Variants in SCD5 observed in about 807,000 individuals in gnomAD.
The protein encoded by SCD5 is acyl-CoA-desaturase 4.
SCD5 carries 20 observed loss-of-function variants against 30.4 expected under a neutral mutation model. The ratio of observed to expected loss-of-function variants is 0.66; its 90% confidence interval spans 0.46 to 0.96. SCD5 has a LOEUF of 0.96. Ranked by LOEUF, SCD5 falls within the 40% of genes least tolerant of loss-of-function variation. SCD5 has a pLI of 0.00. For missense variants in SCD5, 381 were observed against 443.3 expected, an observed-to-expected ratio of 0.86 and a Z score of 1.26; for synonymous variants, 173 against 176.4, an observed-to-expected ratio of 0.98 and a Z score of 0.16.
At chr4:82,792,772 T>C (rs1722126637) in intron 1 of SCD5, among the ~76,000 whole-genome samples, 1 of 152,238 alleles carries the variant, frequency 6.6e-6, no homozygotes, top group Non-Finnish European at 1.5e-5. Flanking sequence ...CTCAAGATTA[T>C]TGTATCCACT....
intron 3 of SCD5, among the ~76,000 whole-genome samples, chr4:82,671,808 G>A (rs1347921598): frequency 1.3e-5 from 2 of 152,212 alleles, no homozygotes; most frequent in South Asian, 2.1e-4. Flanking sequence ...TTGAACCCAG[G>A]AGGCAGAGGT....
At chr4:82,757,834 A>T (rs960525785) in intron 1 of SCD5, among the ~76,000 whole-genome samples, 7 of 152,212 alleles carry the variant, frequency 4.6e-5, no homozygotes, top group African/African-American at 1.7e-4. Context: ...AGGAAAAGAG[A>T]GTCCTAACAC....
At chr4:82,777,674 T>A (rs115124908) in intron 1 of SCD5, among the ~76,000 whole-genome samples, 467 of 152,324 alleles carry the variant, frequency 3.1e-3, no homozygotes, top group Non-Finnish European at 5.0e-3. Context: ...CTATAAATTA[T>A]GTAGCTGGTC....
At chr4:82,688,676 T>C (rs1193668145) in intron 2 of SCD5, among the ~76,000 whole-genome samples, 1 of 152,194 alleles carries the variant, frequency 6.6e-6, no homozygotes, top group Non-Finnish European at 1.5e-5. Flanking sequence ...ACCTGCTGCC[T>C]TGCCTTCATG....
rs1426661043 is a variant in SCD5, at chr4:82,680,854, T to A, written c.422A>T (p.Asp141Val). 1.2e-6 allele frequency: 2 copies of A among 1,613,414 alleles called. No homozygotes were observed. Among genetic ancestry groups the A allele is most frequent in the Non-Finnish European group, 1.7e-6 (2 of 1,179,858 alleles). Reference protein sequence around the residue: ...HRAHHKYSETDADPHNARRGF... With the variant: ...HRAHHKYSETVADPHNARRGF... ...CCGGCGGGCATTGTGGGGGTCAGCA[T>A]CCGTCTCTGAGTACTTGTGGTGGGC... Residue 141 changes from aspartate (D) to valine (V), a missense_variant, in exon 3 of 5, where the codon GAT becomes GTT. Transcript: ENST00000319540.
At chr4:82,640,107 G>A (rs1453506527) in intron 3 of SCD5, among the ~76,000 whole-genome samples, 1 of 152,148 alleles carries the variant, frequency 6.6e-6, no homozygotes, top group Non-Finnish European at 1.5e-5. Flanking sequence ...CCTGCTCTCT[G>A]ACCCCAGTCC....
At chr4:82,661,097 ATGAC>A in intron 3 of SCD5, 2 of 1,609,258 alleles carry the variant, frequency 1.2e-6, no homozygotes, top group Non-Finnish European at 1.7e-6. Flanking sequence ...AATAAAGAAA[ATGAC>A]TGAGAGTTCC....
chr4:82,787,453 G>A (rs1164773577), intron 1 of SCD5, among the ~76,000 whole-genome samples: 4 of 152,160 alleles, frequency 2.6e-5, no homozygotes, highest in African/African-American at 9.7e-5. Context: ...CCAGGGAATG[G>A]AGGCAACACC....
intron 3 of SCD5, chr4:82,661,094 A>G (rs751853650): frequency 6.2e-7 from 1 of 1,610,182 alleles, no homozygotes; most frequent in Admixed American, 1.7e-5. Context: ...AAAAATAAAG[A>G]AAATGACTGA....
At chr4:82,720,354 G>GCC (rs1458399245) in intron 1 of SCD5, among the ~76,000 whole-genome samples, 2 of 149,346 alleles carry the variant, frequency 1.3e-5, no homozygotes, top group Non-Finnish European at 3.0e-5. Context: ...GATCACTTGA[G>GCC]CCCAGGAGGT....
chr4:82,773,599 A>G (rs955637165), intron 1 of SCD5, among the ~76,000 whole-genome samples: 2 of 152,176 alleles, frequency 1.3e-5, no homozygotes, highest in African/African-American at 2.4e-5. Flanking sequence ...TAAAATACCC[A>G]CATGTCTAAG....
At chr4:82,636,876 T>C (rs534500317) in intron 3 of SCD5, 53 bp from the exon 4 acceptor site, 76 of 1,457,942 alleles carry the variant, frequency 5.2e-5, no homozygotes, top group Non-Finnish European at 6.4e-5. Flanking sequence ...GGAGAGAGGA[T>C]GGGCTGAGCA....
At chr4:82,670,860 T>C (rs1462196028) in intron 3 of SCD5, among the ~76,000 whole-genome samples, 1 of 151,912 alleles carries the variant, frequency 6.6e-6, no homozygotes, top group Non-Finnish European at 1.5e-5. Flanking sequence ...CAAATATCAA[T>C]TGGATGGAAA....
At position 82,719,682 on chromosome 4, in the gene SCD5, T is replaced by C. The variant is rs375135439; in HGVS notation, c.233-14269A>G. ...CCACGCCCAGCTAATTTTTTGTATA[T>C]TTAGTAGAGACGGGGCTTCACCATG... On this transcript the variant is annotated intron_variant, in intron 1 of 4. Coordinates refer to ENST00000319540, the MANE Select transcript of SCD5 (RefSeq NM_001037582.3). 2.3e-4 allele frequency among the ~76,000 whole-genome samples: 35 copies of C among 151,290 alleles called. 1 individual carries two copies. The highest frequency in any genetic ancestry group is 8.1e-4 in the African/African-American group (33 of 40,780).
At chr4:82,648,277 T>C (rs925161524) in intron 3 of SCD5, among the ~76,000 whole-genome samples, 2 of 152,206 alleles carry the variant, frequency 1.3e-5, no homozygotes, top group African/African-American at 2.4e-5. Flanking sequence ...AACTTCTGGA[T>C]TGCAAACCTG....
At chr4:82,731,153 TG>T (rs1488635403) in intron 1 of SCD5, among the ~76,000 whole-genome samples, 1 of 152,146 alleles carries the variant, frequency 6.6e-6, no homozygotes, top group Non-Finnish European at 1.5e-5. Flanking sequence ...AACGGAAAGC[TG>T]GGGGTAGGGG....
intron 3 of SCD5, among the ~76,000 whole-genome samples, chr4:82,673,856 T>C (rs193081383): frequency 7.5e-4 from 114 of 152,236 alleles, no homozygotes; most frequent in Admixed American, 6.3e-3. Flanking sequence ...CCCACATAAA[T>C]ATAGTCAACT....
chr4:82,636,846 A>C, intron 3 of SCD5, 23 bp from the exon 4 acceptor site: 74 of 1,563,884 alleles, frequency 4.7e-5, no homozygotes, highest in Non-Finnish European at 5.7e-5. Context: ...ACACCATATC[A>C]CCATGAGGAC....
intron 1 of SCD5, among the ~76,000 whole-genome samples, chr4:82,761,166 C>A (rs1415930976): frequency 1.3e-5 from 2 of 152,198 alleles, no homozygotes; most frequent in Admixed American, 6.5e-5. Context: ...CAAAGTCTAG[C>A]AGCAGGAAGA....
Sources: allele counts gnomAD v4.1 joint callset (sites outside exome capture counted in the v4.1 genomes callset), GRCh38; gene constraint gnomAD v4.1.1; transcripts MANE v1.5; gene names NCBI Gene and HGNC (gene_info 2026-07-23, HGNC 2026-07-21).